MRPS27: variants seen among roughly 807,000 people sequenced by gnomAD.
MRPS27 encodes the protein mitochondrial ribosomal protein S27, also known as small ribosomal subunit protein mS27.
A neutral mutation model predicts 48.9 loss-of-function variants in MRPS27; 43 were observed. That is an observed-to-expected ratio of 0.88 (90% confidence interval 0.69 to 1.13). The LOEUF is 1.13. Among genes scored for constraint, MRPS27 ranks in the 50% most tolerant of loss-of-function variants. The pLI, the probability that MRPS27 is intolerant of heterozygous loss-of-function variation, is 0.00. For missense variants in MRPS27, 467 were observed against 476.3 expected, an observed-to-expected ratio of 0.98 and a Z score of 0.18; for synonymous variants, 188 against 171.9, an observed-to-expected ratio of 1.09 and a Z score of -0.73.
intron 4 of MRPS27, among the ~76,000 whole-genome samples, chr5:72,277,833 C>T (rs1749418207): frequency 6.6e-6 from 1 of 152,002 alleles, no homozygotes; most frequent in African/African-American, 2.4e-5. Context: ...GCAAACTAAC[C>T]CAGGAACAGA....
intron 4 of MRPS27, among the ~76,000 whole-genome samples, chr5:72,266,686 C>T (rs535311772): frequency 6.6e-6 from 1 of 151,988 alleles, no homozygotes; most frequent in Non-Finnish European, 1.5e-5. Flanking sequence ...GGTGAAACCC[C>T]GTCTCTACTA....
chr5:72,291,447 T>C (rs1025014945), intron 4 of MRPS27, among the ~76,000 whole-genome samples: 8 of 152,206 alleles, frequency 5.3e-5, no homozygotes, highest in African/African-American at 1.9e-4. Context: ...CTTTGGGATA[T>C]GGTAACATAT....
intron 4 of MRPS27, among the ~76,000 whole-genome samples, chr5:72,287,759 G>C (rs1222289640): frequency 6.6e-6 from 1 of 152,242 alleles, no homozygotes; most frequent in Non-Finnish European, 1.5e-5. Context: ...ACACATGTTG[G>C]TATGGCTAAA....
intron 2 of MRPS27, among the ~76,000 whole-genome samples, chr5:72,310,556 T>A (rs1750418422): frequency 6.6e-6 from 1 of 152,132 alleles, no homozygotes; most frequent in Non-Finnish European, 1.5e-5. Flanking sequence ...AATAAACAGA[T>A]AAATGAGAAA....
chr5:72,288,829 A>T (rs1213910727), intron 4 of MRPS27: 1 of 152,212 alleles, frequency 6.6e-6, no homozygotes, highest in Non-Finnish European at 1.5e-5. Context: ...TATTGCTGTG[A>T]AACACAAAGT....
chr5:72,280,631 G>A (rs900975550), intron 4 of MRPS27, among the ~76,000 whole-genome samples: 11 of 152,172 alleles, frequency 7.2e-5, no homozygotes, highest in African/African-American at 2.2e-4. Flanking sequence ...TAGCCATTCT[G>A]AGCTGCTCTT....
intron 5 of MRPS27, among the ~76,000 whole-genome samples, chr5:72,236,132 A>G (rs1342648997): frequency 1.3e-5 from 2 of 152,176 alleles, no homozygotes; most frequent in Non-Finnish European, 2.9e-5. Context: ...TCTCCCCTAT[A>G]CTGTGAACCC....
chr5:72,228,201 T>C (rs1256707347), intron 8 of MRPS27, 65 bp downstream of exon 8: 3 of 1,321,476 alleles, frequency 2.3e-6, no homozygotes, highest in East Asian at 2.3e-5. Context: ...AATTTTATTA[T>C]GAACTGGAAG....
At chr5:72,318,215 CTTTG>C (rs1257631313) in intron 1 of MRPS27, among the ~76,000 whole-genome samples, 4 of 152,112 alleles carry the variant, frequency 2.6e-5, no homozygotes, top group African/African-American at 9.7e-5. Context: ...GTTGTATTTT[CTTTG>C]TATTATTTTA....
At chr5:72,223,284 T>C (rs528021868) in intron 10 of MRPS27, among the ~76,000 whole-genome samples, 15 of 152,334 alleles carry the variant, frequency 9.8e-5, no homozygotes, top group African/African-American at 3.4e-4. Flanking sequence ...AAATGTGGCA[T>C]TATAGTGTCT....
At chr5:72,274,320 C>T (rs913374012) in intron 4 of MRPS27, among the ~76,000 whole-genome samples, 2 of 152,218 alleles carry the variant, frequency 1.3e-5, no homozygotes, top group African/African-American at 4.8e-5. Context: ...CTCCACTGCA[C>T]TCCAGCCTGG....
chr5:72,228,281 C>T lies in MRPS27; in HGVS notation c.679G>A (p.Gly227Ser), dbSNP rs1561329569. 2 of 1,612,728 alleles carry T rather than the reference C, an allele frequency of 1.2e-6. No individual in the cohort carries two copies. Among genetic ancestry groups the T allele is most frequent in the East Asian group, 2.2e-5 (1 of 44,844 alleles). Residue 227 changes from glycine (G) to serine (S), a missense_variant, in exon 8 of 11, where the codon GGC becomes AGC. Coordinates refer to ENST00000261413, the MANE Select transcript of MRPS27 (RefSeq NM_015084.3). ...TTTAGCTTACCAAGAAGTGCATAGC[C>T]ATACAACTGGGAACTGAAACCCACT... ...NSVGFSSQLY[G>S]YALLGKVELQ...
intron 2 of MRPS27, among the ~76,000 whole-genome samples, chr5:72,303,015 A>G (rs956919991): frequency 6.6e-6 from 1 of 152,230 alleles, no homozygotes; most frequent in African/African-American, 2.4e-5. Flanking sequence ...CAAGCTGAGA[A>G]TTTTGTTTGA....
At chr5:72,277,102 C>T (rs1272997778) in intron 4 of MRPS27, among the ~76,000 whole-genome samples, 1 of 151,790 alleles carries the variant, frequency 6.6e-6, no homozygotes, top group Admixed American at 6.6e-5. Flanking sequence ...AGCCAACAAA[C>T]ATATGAAAAA....
At chr5:72,317,580 G>T (rs1280114516) in intron 1 of MRPS27, among the ~76,000 whole-genome samples, 1 of 152,150 alleles carries the variant, frequency 6.6e-6, no homozygotes, top group Non-Finnish European at 1.5e-5. Context: ...GTTTCTCCAT[G>T]TTGGCCAGGC....
chr5:72,238,684 C>T (rs559041716), intron 4 of MRPS27, among the ~76,000 whole-genome samples: 2 of 152,264 alleles, frequency 1.3e-5, no homozygotes, highest in South Asian at 4.2e-4. Context: ...CCTCCAAGAT[C>T]CACAATCCCA....
At chr5:72,283,782 G>T (rs72761134) in intron 4 of MRPS27, among the ~76,000 whole-genome samples, 339 of 150,490 alleles carry the variant, frequency 2.3e-3, no homozygotes, top group Middle Eastern at 0.021. Flanking sequence ...TTCTAAATCT[G>T]CTTCCAATTC....
chr5:72,247,928 T>A (rs1237527388), intron 4 of MRPS27, among the ~76,000 whole-genome samples: 1 of 152,182 alleles, frequency 6.6e-6, no homozygotes, highest in African/African-American at 2.4e-5. Context: ...CTATTTGTAG[T>A]TTAAAAAGGA....
chr5:72,295,277 A>AT, intron 4 of MRPS27: 2 of 304,018 alleles, frequency 6.6e-6, no homozygotes, highest in Non-Finnish European at 1.2e-5. Context: ...GTTATCAATT[A>AT]TAACATCGTA....
Sources: allele counts gnomAD v4.1 joint callset (sites outside exome capture counted in the v4.1 genomes callset), GRCh38; gene constraint gnomAD v4.1.1; transcripts MANE v1.5; gene names NCBI Gene and HGNC (gene_info 2026-07-23, HGNC 2026-07-21).